NFAT5: variants seen among roughly 807,000 people sequenced by gnomAD.
NFAT5 encodes nuclear factor of activated T-cells 5.
NFAT5 carries 31 observed loss-of-function variants against 166.5 expected under a neutral mutation model. The observed-to-expected ratio is 0.19, with a 90% CI of 0.14 to 0.25. The LOEUF (loss-of-function observed/expected upper bound fraction) is 0.25. Among genes scored for constraint, NFAT5 ranks in the 10% least tolerant of loss-of-function variants. The pLI, the probability that NFAT5 is intolerant of heterozygous loss-of-function variation, is 1.00. For synonymous variants in NFAT5, 612 were observed against 639.7 expected (o/e 0.96, Z 0.65); for missense variants, 1,449 against 1,821.8 (o/e 0.80, Z 3.72).
At chr16:69,574,930 C>G (rs2016654414) in intron 2 of NFAT5, among the ~76,000 whole-genome samples, 2 of 152,138 alleles carry the variant, frequency 1.3e-5, no homozygotes, top group African/African-American at 4.8e-5. Context: ...CCTCAGCCTC[C>G]CAAACTGCTG....
At chr16:69,659,254 C>T (rs2151644494) in intron 6 of NFAT5, among the ~76,000 whole-genome samples, 1 of 151,782 alleles carries the variant, frequency 6.6e-6, no homozygotes, top group South Asian at 2.1e-4. Flanking sequence ...CCGGCCTGGC[C>T]AACATGGTGT....
At chr16:69,633,181 T>A (rs141261495) in intron 3 of NFAT5, among the ~76,000 whole-genome samples, 51 of 152,336 alleles carry the variant, frequency 3.3e-4, no homozygotes, top group African/African-American at 1.1e-3. Context: ...TATTGTCCTC[T>A]TAATAACACT....
intron 3 of NFAT5, among the ~76,000 whole-genome samples, chr16:69,641,277 CAAAAAAAAAAAAAAA>C (rs60281310): frequency 1.4e-5 from 1 of 72,882 alleles, no homozygotes; most frequent in African/African-American, 5.3e-5. Flanking sequence ...GACTCCGTCT[CAAAAAAAAAAAAAAA>C]AAAAAAAAGG....
chr16:69,636,000 C>T lies in NFAT5; in HGVS notation c.253+9472C>T, dbSNP rs1238782458. Among the ~76,000 whole-genome samples, 4 of 152,220 alleles carry T rather than the reference C, an allele frequency of 2.6e-5. No individual in the cohort carries two copies. The South Asian group carries it at 6.2e-4, about 24-fold the overall frequency. ...CTGAGACAAGGCAAGCTCCTTTTGC[C>T]TATGAGCCTGTAAAATAAAAAGCAA... On this transcript the variant is annotated intron_variant, in intron 3 of 14. Coordinates refer to ENST00000349945, the MANE Select transcript of NFAT5 (RefSeq NM_138713.4).
Position 69,694,107 on chromosome 16 carries a change from G to A in NFAT5, c.4282G>A (p.Gly1428Arg). ...TCAGAACAACATGCCTGGAATTCAA[G>A]GAGCCACATCTTCGCCTCAACCACA... ...SPQNNMPGIQGATSSPQPQAT... is the reference protein window; with the variant it reads ...SPQNNMPGIQRATSSPQPQAT... Residue 1428 changes from glycine to arginine, a missense_variant, in exon 13 of 15, where the codon GGA becomes AGA. Physicochemically the swap from Gly to Arg is moderately radical, Grantham distance 125. This residue lies in a region of NFAT5 where 891 missense variants were observed against 993.0 expected (regional missense o/e 0.90). Coordinates refer to ENST00000349945, the MANE Select transcript of NFAT5 (RefSeq NM_138713.4). 2 of 1,614,158 alleles carry A rather than the reference G, an allele frequency of 1.2e-6. No individual in the cohort carries two copies. The highest frequency in any genetic ancestry group is 1.7e-6 in the Non-Finnish European group (2 of 1,180,034).
chr16:69,598,528 C>A (rs1170462704), intron 2 of NFAT5, among the ~76,000 whole-genome samples: 3 of 151,712 alleles, frequency 2.0e-5, no homozygotes, highest in African/African-American at 7.3e-5. Context: ...ATAATTGTTT[C>A]ATGATAAAAA....
rs769996676 is a variant in NFAT5, at chr16:69,693,097, A to T, written c.3272A>T (p.His1091Leu). 6.2e-7 allele frequency: 1 copy of T among 1,614,122 alleles called. No individual in the cohort carries two copies. The highest frequency in any genetic ancestry group is 8.5e-7 in the Non-Finnish European group (1 of 1,180,026). ...TCTCATTCACAGGCCCAACTTTTTC[A>T]TCCTCAAAATCCTATTGCCGATGCT... ...QSSHSQAQLF[H>L]PQNPIADAQN... The change falls in exon 13 of 15, where the codon CAT (histidine) becomes CTT (leucine). Residue 1091 changes from histidine (H) to leucine (L), a missense_variant. This residue lies in a region of NFAT5 where 891 missense variants were observed against 993.0 expected (regional missense o/e 0.90). Transcript: ENST00000349945.
At position 69,647,153 on chromosome 16, in the gene NFAT5, T is replaced by A. The variant is rs2035471847; in HGVS notation, c.379T>A (p.Ser127Thr). Residue 127 changes from serine to threonine, a missense_variant, in exon 4 of 15, where the codon TCC becomes ACC. Coordinates refer to ENST00000349945, the MANE Select transcript of NFAT5 (RefSeq NM_138713.4). The surrounding 1 kb of genome is among the most constrained non-coding windows in gnomAD (Gnocchi z 4.8). Reference sequence around the variant, plus strand: ...CAAGGCTATGCAAGTGGAGAGCTGCTCCTCAGCCGTGGGGGTAAGTAACAG... The same window carrying A: ...CAAGGCTATGCAAGTGGAGAGCTGCACCTCAGCCGTGGGGGTAAGTAACAG... The part of the protein sequence containing the change: ...DSKAMQVESC[S>T]SAVGVSNRGV... 2 of 1,614,128 alleles carry A rather than the reference T, an allele frequency of 1.2e-6. No individual in the cohort carries two copies. The highest frequency in any genetic ancestry group is 2.7e-5 in the African/African-American group (2 of 75,052).
At chr16:69,606,261 A>G (rs932146034) in intron 2 of NFAT5, among the ~76,000 whole-genome samples, 3 of 152,166 alleles carry the variant, frequency 2.0e-5, no homozygotes, top group African/African-American at 4.8e-5. Context: ...ACCCTAGTGT[A>G]GAGACTGAAG....
At chr16:69,665,161 A>G (rs1048934437) in intron 7 of NFAT5, among the ~76,000 whole-genome samples, 1 of 152,182 alleles carries the variant, frequency 6.6e-6, no homozygotes, top group East Asian at 1.9e-4. Flanking sequence ...ACCTTTTAAA[A>G]GGCCAGAAGT....
chr16:69,692,355 C>G lies in NFAT5; in HGVS notation c.2530C>G (p.Leu844Val). The change falls in exon 13 of 15, where the codon CTT (leucine) becomes GTT (valine). Residue 844 changes from leucine (L) to valine (V), a missense_variant. Around this residue, in one of 7 missense-constraint regions of NFAT5, gnomAD observed 891 missense variants for 993.0 expected, o/e 0.90. Transcript: ENST00000349945. ...PDGNENVQEQ[L>V]SADIFQQVSQ... ...TGGTAATGAGAATGTTCAAGAGCAGCTTAGTGCAGATATTTTTCAACAAGT... is the reference window on the plus strand; with the variant it reads ...TGGTAATGAGAATGTTCAAGAGCAGGTTAGTGCAGATATTTTTCAACAAGT... 6.2e-7 allele frequency: 1 copy of G among 1,614,166 alleles called. No homozygotes were observed. The highest frequency in any genetic ancestry group is 8.5e-7 in the Non-Finnish European group (1 of 1,180,036).
rs201374784 is a variant in NFAT5 at position 69,683,552 on chromosome 16, G to GTA, written c.1691-1331_1691-1330dup. ...TGTCTCAAAGGAAGAAAATATATAT[G>GTA]TATATTCAAATAAAATATATAATCA... is the stretch of plus-strand genomic sequence containing the variant. On this transcript the variant is annotated intron_variant, in intron 10 of 14. Coordinates refer to ENST00000349945, the MANE Select transcript of NFAT5 (RefSeq NM_138713.4). Among the ~76,000 whole-genome samples, 710 of 152,124 alleles carry GTA rather than the reference G, an allele frequency of 4.7e-3. 19 individuals are homozygous for GTA. Among genetic ancestry groups the GTA allele is most frequent in the Non-Finnish European group, 8.1e-4 (55 of 67,984 alleles).
intron 4 of NFAT5, among the ~76,000 whole-genome samples, chr16:69,652,648 G>A (rs1387443318): frequency 6.6e-6 from 1 of 152,012 alleles, no homozygotes; most frequent in African/African-American, 2.4e-5. Flanking sequence ...AATTTCTTCA[G>A]TTTGGTTTAC....
chr16:69,690,041 A>T (rs1198737068), intron 11 of NFAT5, among the ~76,000 whole-genome samples: 1 of 152,190 alleles, frequency 6.6e-6, no homozygotes, highest in Non-Finnish European at 1.5e-5. Context: ...TTAAATCAGG[A>T]TTTGGCTATG....
chr16:69,628,664 A>G (rs1232487204), intron 3 of NFAT5, among the ~76,000 whole-genome samples: 4 of 152,228 alleles, frequency 2.6e-5, no homozygotes, highest in Non-Finnish European at 2.9e-5. Context: ...TATAACTGTC[A>G]GAGTTACTTG....
rs2016717604 is a variant in NFAT5, at chr16:69,575,869, T to C, written c.127+7321T>C. On this transcript the variant is annotated intron_variant, in intron 2 of 14. Transcript: ENST00000349945. ...TGCGATGTAGTACCAGTATCCCTAT[T>C]TCGTAAATGAACAAACTGAGGTACA... Among the ~76,000 whole-genome samples the C allele has an allele frequency of 2.0e-5, 3 of 152,256 alleles. No individual in the cohort carries two copies. In the South Asian group the frequency reaches 6.2e-4, roughly 32 times the overall value.
chr16:69,621,744 T>C (rs1289194475), intron 2 of NFAT5, among the ~76,000 whole-genome samples: 12 of 152,048 alleles, frequency 7.9e-5, no homozygotes, highest in Non-Finnish European at 1.5e-5. Context: ...GACAGGAGGA[T>C]CACTTGAGTC....
chr16:69,613,476 G>A (rs903541043), intron 2 of NFAT5, among the ~76,000 whole-genome samples: 1 of 152,116 alleles, frequency 6.6e-6, no homozygotes, highest in Non-Finnish European at 1.5e-5. Flanking sequence ...GCCTCACCCT[G>A]CCTTTAGTAG....
chr16:69,695,062 CAGAT>C (rs1277236372), intron 13 of NFAT5, 70 bp from the exon 14 acceptor site: 4 of 1,055,098 alleles, frequency 3.8e-6, no homozygotes, highest in Non-Finnish European at 5.7e-6. Context: ...CTTTACTAAT[CAGAT>C]AGCTTCTATT....
Sources: gnomAD v4.1 joint callset for allele counts (sites outside exome capture counted in the v4.1 genomes callset) on GRCh38, gnomAD v4.1.1 for gene constraint, gnomAD v4.1.1 regional missense constraint, Gnocchi (gnomAD v3.1) non-coding constraint, MANE v1.5 for transcripts, NCBI Gene and HGNC (gene_info 2026-07-23, HGNC 2026-07-21) for gene names.